Variants in GPATCH2 observed in about 807,000 individuals in gnomAD.
GPATCH2 encodes G patch domain-containing protein 2.
Under a neutral mutation model 58.0 loss-of-function variants are expected in GPATCH2, and 51 were observed. The ratio of observed to expected loss-of-function variants is 0.88; its 90% confidence interval spans 0.70 to 1.11. The LOEUF is 1.11. Ranked by LOEUF, GPATCH2 falls within the 50% of genes most tolerant of loss-of-function variation. GPATCH2 has a pLI of 0.00. For synonymous variants in GPATCH2, 222 were observed against 218.5 expected (o/e 1.02, Z -0.14); for missense variants, 625 against 652.2 (o/e 0.96, Z 0.45).
At chr1:217,528,135 C>T (rs1228836507) in intron 5 of GPATCH2, among the ~76,000 whole-genome samples, 3 of 152,046 alleles carry the variant, frequency 2.0e-5, no homozygotes, top group Admixed American at 6.5e-5. Flanking sequence ...ATAAACCTGA[C>T]TAGAAGTTCA....
intron 5 of GPATCH2, among the ~76,000 whole-genome samples, chr1:217,531,829 A>G (rs1664204200): frequency 6.6e-6 from 1 of 152,202 alleles, no homozygotes; most frequent in African/African-American, 2.4e-5. Flanking sequence ...ATATACTCTG[A>G]GAACATGGCA....
At chr1:217,564,742 CAAGA>C (rs1666127629) in intron 5 of GPATCH2, among the ~76,000 whole-genome samples, 1 of 152,060 alleles carries the variant, frequency 6.6e-6, no homozygotes, top group African/African-American at 2.4e-5. Flanking sequence ...TAAGAAAAAT[CAAGA>C]AAGAAACAAA....
intron 9 of GPATCH2, among the ~76,000 whole-genome samples, chr1:217,435,299 A>T (rs1445620932): frequency 1.3e-5 from 2 of 152,130 alleles, no homozygotes; most frequent in African/African-American, 4.8e-5. Context: ...TGGATCTCTC[A>T]TATCTATTAC....
At chr1:217,525,125 C>T (rs1663822605) in intron 5 of GPATCH2, among the ~76,000 whole-genome samples, 1 of 151,404 alleles carries the variant, frequency 6.6e-6, no homozygotes, top group Non-Finnish European at 1.5e-5. Flanking sequence ...CTAATGATGT[C>T]AAAAGGTGAC....
intron 8 of GPATCH2, among the ~76,000 whole-genome samples, chr1:217,484,412 G>A (rs563835065): frequency 5.0e-4 from 57 of 114,684 alleles, no homozygotes; most frequent in Non-Finnish European, 8.2e-4. Flanking sequence ...GGTTTTCCTG[G>A]TTCTCAGGCC....
intron 8 of GPATCH2, among the ~76,000 whole-genome samples, chr1:217,466,039 C>A (rs1221661352): frequency 6.6e-6 from 1 of 152,028 alleles, no homozygotes; most frequent in African/African-American, 2.4e-5. Flanking sequence ...AAAACATGAG[C>A]CATGGATTGC....
Position 217,574,260 on chromosome 1 carries a change from A to G in GPATCH2, c.1098+36061T>C, listed in dbSNP as rs148851559. 4.5e-3 allele frequency among the ~76,000 whole-genome samples: 687 copies of G among 152,260 alleles called. 7 individuals carry two copies. Among genetic ancestry groups the G allele is most frequent in the African/African-American group, 0.016 (647 of 41,552 alleles). ...TTACATTTTTATATATTCAGTTGCAATGGGCTTATTTTCTTAATGGTCTAC... is the reference window on the plus strand; with the variant it reads ...TTACATTTTTATATATTCAGTTGCAGTGGGCTTATTTTCTTAATGGTCTAC... On this transcript the variant is annotated intron_variant, in intron 5 of 9. Coordinates refer to ENST00000366935, the MANE Select transcript of GPATCH2 (RefSeq NM_018040.5).
At chr1:217,542,401 T>G (rs1664792845) in intron 5 of GPATCH2, among the ~76,000 whole-genome samples, 4 of 152,340 alleles carry the variant, frequency 2.6e-5, no homozygotes, top group Admixed American at 1.3e-4. Flanking sequence ...ATGTGGATAT[T>G]CCCTAGTGAA....
At position 217,610,291 on chromosome 1, in the gene GPATCH2, A is replaced by T. The variant is rs1668560579; in HGVS notation, c.1098+30T>A. ...CATAGAAATGGAAACATTTCCAAAC[A>T]TGACAATTACACAGAAAAAGTATGC... On this transcript the variant is annotated intron_variant, in intron 5 of 9. Transcript: ENST00000366935. 2.0e-6 allele frequency: 3 copies of T among 1,495,230 alleles called. No homozygotes were observed. The African/African-American group carries it at 4.1e-5, about 21-fold the overall frequency. 92.6% of individuals were successfully genotyped at this position (1,495,230 alleles called of 1,614,324 possible).
chr1:217,474,114 T>A (rs961649374), intron 8 of GPATCH2, among the ~76,000 whole-genome samples: 3 of 152,154 alleles, frequency 2.0e-5, no homozygotes, highest in African/African-American at 4.8e-5. Flanking sequence ...AAATGGCATG[T>A]AATGATGGGC....
chr1:217,499,807 A>G (rs928152922), intron 6 of GPATCH2, among the ~76,000 whole-genome samples: 1 of 152,072 alleles, frequency 6.6e-6, no homozygotes, highest in African/African-American at 2.4e-5. Flanking sequence ...AAAAACTAAA[A>G]GGATTAAAAA....
intron 8 of GPATCH2, among the ~76,000 whole-genome samples, chr1:217,477,549 C>A (rs1661020760): frequency 6.6e-6 from 1 of 152,090 alleles, no homozygotes; most frequent in South Asian, 2.1e-4. Flanking sequence ...GACTGAAGAC[C>A]CCTTCGGCCT....
At chr1:217,587,344 C>G (rs1210557778) in intron 5 of GPATCH2, among the ~76,000 whole-genome samples, 1 of 152,082 alleles carries the variant, frequency 6.6e-6, no homozygotes, top group Non-Finnish European at 1.5e-5. Context: ...GTTTCCCAGA[C>G]AAACTGTACC....
intron 5 of GPATCH2, among the ~76,000 whole-genome samples, chr1:217,577,967 G>A (rs1441242900): frequency 1.3e-5 from 2 of 150,814 alleles, no homozygotes; most frequent in East Asian, 2.0e-4. Flanking sequence ...GGCTGGTCTC[G>A]AACTCCCAAC....
chr1:217,592,690 C>T (rs751129122), intron 5 of GPATCH2, among the ~76,000 whole-genome samples: 5 of 151,786 alleles, frequency 3.3e-5, no homozygotes, highest in Non-Finnish European at 7.4e-5. Context: ...ATAAAAACAA[C>T]CTGAACATGT....
intron 2 of GPATCH2, among the ~76,000 whole-genome samples, chr1:217,615,936 A>T (rs1668864177): frequency 1.3e-5 from 2 of 152,110 alleles, no homozygotes; most frequent in African/African-American, 4.8e-5. Context: ...TCTATTCTAC[A>T]TACAGCCAGG....
chr1:217,606,174 C>T (rs1050932907), intron 5 of GPATCH2, among the ~76,000 whole-genome samples: 1 of 151,364 alleles, frequency 6.6e-6, no homozygotes, highest in African/African-American at 2.4e-5. Context: ...TCAGGAATAG[C>T]TATTAGGCCT....
Position 217,427,768 on chromosome 1 carries a change from G to A in GPATCH2, c.*3377C>T, listed in dbSNP as rs1658387008. On this transcript the variant is annotated 3_prime_UTR_variant, in exon 10 of 10. Transcript: ENST00000366935. ...TCAAAATAAAGTGTACTGAATAGAAGCAATTGTCAGTTCAATTTACAAGAA... is the reference window on the plus strand; with the variant it reads ...TCAAAATAAAGTGTACTGAATAGAAACAATTGTCAGTTCAATTTACAAGAA... The A allele has an allele frequency of 1.3e-5, 2 of 151,988 alleles. No individual in the cohort carries two copies. Among genetic ancestry groups the A allele is most frequent in the South Asian group, 2.1e-4 (1 of 4,822 alleles). 9.4% of individuals were successfully genotyped at this position (151,988 alleles called of 1,614,324 possible). A position where few individuals can be genotyped will look rare whatever the true frequency, so the allele number is the denominator to read the frequency against.
intron 8 of GPATCH2, among the ~76,000 whole-genome samples, chr1:217,489,484 G>A (rs550142152): frequency 6.6e-6 from 1 of 152,070 alleles, no homozygotes; most frequent in Admixed American, 6.6e-5. Flanking sequence ...AACTTAACAC[G>A]CTATTGCTGT....
Sources: gnomAD v4.1 joint callset for allele counts (sites outside exome capture counted in the v4.1 genomes callset) on GRCh38, gnomAD v4.1.1 for gene constraint, MANE v1.5 for transcripts, NCBI Gene and HGNC (gene_info 2026-07-23, HGNC 2026-07-21) for gene names.